Variants in ITGA6 observed in about 807,000 individuals in gnomAD.
The protein encoded by ITGA6 is integrin subunit alpha 6, also known as integrin alpha-6.
ITGA6 carries 63 observed loss-of-function variants against 133.6 expected under a neutral mutation model. That is an observed-to-expected ratio of 0.47 (90% CI 0.38 to 0.58). The LOEUF is 0.58. Ranked by LOEUF, ITGA6 falls within the 20% of genes least tolerant of loss-of-function variation. ITGA6 has a pLI of 0.00. For missense variants in ITGA6, 1,068 were observed against 1,309.4 expected (o/e 0.82, Z 2.85); for synonymous variants, 434 against 482.0 (o/e 0.90, Z 1.30).
intron 1 of ITGA6, among the ~76,000 whole-genome samples, chr2:172,442,008 CTCA>C (rs1684564101): frequency 6.6e-6 from 1 of 152,198 alleles, no homozygotes. Flanking sequence ...AGATCTCTTT[CTCA>C]TCATAGAGAG....
At chr2:172,465,947 G>A (rs1685652238) in intron 2 of ITGA6, 2 of 511,952 alleles carry the variant, frequency 3.9e-6, no homozygotes, top group South Asian at 2.1e-5. Flanking sequence ...AGGAGGTTGT[G>A]GAAAAACTCA....
chr2:172,450,961 T>C (rs887305388), intron 1 of ITGA6, among the ~76,000 whole-genome samples: 32 of 147,260 alleles, frequency 2.2e-4, no homozygotes, highest in Admixed American at 2.1e-3. Context: ...ATCTTGTATA[T>C]ATAAATATAT....
Position 172,467,557 on chromosome 2 carries a change from C to T in ITGA6, c.384C>T (p.Val128=), listed in dbSNP as rs757719097. ...TVQSQGPGGK[V]VTCAHRYEKR... ...AGAGCCAAGGTCCAGGGGGCAAGGT[C>T]GTGGTAAGTGTAGAGACACATGTTC... Residue 128 remains valine (V), a synonymous_variant, in exon 3 of 26, where the codon GTC becomes GTT. Transcript: ENST00000684293. 27 of 1,611,994 alleles carry T rather than the reference C, an allele frequency of 1.7e-5. No homozygotes were observed. The African/African-American group carries it at 1.9e-4, about 11-fold the overall frequency.
chr2:172,479,750 C>G lies in ITGA6; in HGVS notation c.1487+11C>G, dbSNP rs762895767. On this transcript the variant is annotated intron_variant, in intron 10 of 25. Coordinates refer to ENST00000684293, the MANE Select transcript of ITGA6 (RefSeq NM_000210.4). ...GCCTAGTGGGATATGGTGAGCATCC[C>G]TCTGTCTTGGTGGGATCCCCCTCAG... 3.1e-6 allele frequency: 5 copies of G among 1,609,914 alleles called. No homozygotes were observed. In the East Asian group the frequency reaches 8.9e-5, roughly 29 times the overall value.
rs1687369660 is a variant in ITGA6, at chr2:172,502,014, G to A, written c.*22+113G>A. 5.4e-6 allele frequency: 5 copies of A among 924,746 alleles called. No homozygotes were observed. In the East Asian group the frequency reaches 1.4e-4, roughly 25 times the overall value. The allele number at this position is 924,746 out of a possible 1,614,324, so 57.3% of individuals were successfully genotyped here. ...GTCCCATTAACAGATGTTTCCAAAT[G>A]TCCACACTGGCTTGCCTTGCTTGGA... On this transcript the variant is annotated intron_variant, in intron 25 of 25. Coordinates refer to ENST00000684293, the MANE Select transcript of ITGA6 (RefSeq NM_000210.4).
chr2:172,466,198 T>G (rs1685665539), intron 2 of ITGA6, among the ~76,000 whole-genome samples: 1 of 152,206 alleles, frequency 6.6e-6, no homozygotes, highest in Non-Finnish European at 1.5e-5. Context: ...GTACCTGGCT[T>G]CTTGTAGGTT....
intron 9 of ITGA6, among the ~76,000 whole-genome samples, chr2:172,479,179 A>C (rs1157225649): frequency 6.6e-6 from 1 of 152,220 alleles, no homozygotes; most frequent in Non-Finnish European, 1.5e-5. Flanking sequence ...AAAACAGTGA[A>C]CTAGATCTAT....
chr2:172,435,388 G>A (rs191404794), intron 1 of ITGA6, among the ~76,000 whole-genome samples: 139 of 152,136 alleles, frequency 9.1e-4, no homozygotes, highest in African/African-American at 3.1e-3. Flanking sequence ...TATATCTTGC[G>A]GGTGATGGCC....
At chr2:172,490,792 A>C (rs1255697955) in intron 20 of ITGA6, 1 of 459,466 alleles carries the variant, frequency 2.2e-6, no homozygotes, top group Non-Finnish European at 4.0e-6. Flanking sequence ...TCTGAGTTTT[A>C]AGGTCAGAGT....
At chr2:172,431,735 G>A (rs911920616) in intron 1 of ITGA6, among the ~76,000 whole-genome samples, 21 of 152,180 alleles carry the variant, frequency 1.4e-4, no homozygotes, top group African/African-American at 1.2e-4. Flanking sequence ...AAGCCAAAAC[G>A]GGCAGCGAGA....
intron 11 of ITGA6, among the ~76,000 whole-genome samples, chr2:172,480,421 G>A (rs1167941337): frequency 1.3e-5 from 2 of 152,316 alleles, no homozygotes; most frequent in African/African-American, 4.8e-5. Flanking sequence ...GGTGGGTGGT[G>A]GCTGGTGGTT....
intron 1 of ITGA6, among the ~76,000 whole-genome samples, chr2:172,435,695 C>T (rs1684292904): frequency 7.8e-6 from 1 of 128,668 alleles, no homozygotes; most frequent in Non-Finnish European, 1.5e-5. Context: ...GATGCGATTT[C>T]AGCTCACTGC....
chr2:172,467,410 T>G, intron 2 of ITGA6, 71 bp from the exon 3 acceptor site: 1 of 1,167,126 alleles, frequency 8.6e-7, no homozygotes, highest in Non-Finnish European at 1.3e-6. Context: ...AACAGTTGCT[T>G]GTATTTTTGT....
At chr2:172,493,647 G>A (rs2149086648) in intron 23 of ITGA6, among the ~76,000 whole-genome samples, 1 of 152,292 alleles carries the variant, frequency 6.6e-6, no homozygotes, top group African/African-American at 2.4e-5. Flanking sequence ...TCTGACTTCA[G>A]GGCTTCTGTT....
rs1687564650 is a variant in ITGA6 at position 172,506,384 on chromosome 2, T to C, written c.*2316T>C. 1 of 152,286 alleles carries C rather than the reference T, an allele frequency of 6.6e-6. No homozygotes were observed. The highest frequency in any genetic ancestry group is 1.5e-5 in the Non-Finnish European group (1 of 68,038). 9.4% of individuals were successfully genotyped at this position (152,286 alleles called of 1,614,324 possible). ...GGGGTTTTTTTCTGTTTTCGCTCTATGTAGGTGATCCTCAAGTCTTTCATT... is the reference window on the plus strand; with the variant it reads ...GGGGTTTTTTTCTGTTTTCGCTCTACGTAGGTGATCCTCAAGTCTTTCATT... On this transcript the variant is annotated 3_prime_UTR_variant, in exon 26 of 26. Transcript: ENST00000684293.
chr2:172,468,870 T>G, intron 3 of ITGA6: 1 of 445,494 alleles, frequency 2.2e-6, no homozygotes, highest in South Asian at 2.8e-5. Context: ...GGATACAGAT[T>G]GTCATTCAAT....
chr2:172,428,367 G>A (rs1433591772), intron 1 of ITGA6: 1 of 152,788 alleles, frequency 6.5e-6, no homozygotes, highest in Non-Finnish European at 1.5e-5. Context: ...GCGCTGCTGT[G>A]GGTTTGCAGG....
chr2:172,430,541 G>C (rs1684063486), intron 1 of ITGA6, among the ~76,000 whole-genome samples: 1 of 152,182 alleles, frequency 6.6e-6, no homozygotes, highest in African/African-American at 2.4e-5. Context: ...TCAGATAAAA[G>C]CACGATCATA....
rs149346884 is a variant in ITGA6, at chr2:172,470,121, A to G, written c.643+741A>G. ...ATGTATTAATAATAAGTCACATAAC[A>G]CTTTCACTCATCAGGGAAAACTTAG... On this transcript the variant is annotated intron_variant, in intron 4 of 25. Coordinates refer to ENST00000684293, the MANE Select transcript of ITGA6 (RefSeq NM_000210.4). 2.2e-3 allele frequency among the ~76,000 whole-genome samples: 336 copies of G among 152,316 alleles called. 5 individuals are homozygous for G. Among genetic ancestry groups the G allele is most frequent in the African/African-American group, 7.8e-3 (323 of 41,568 alleles).
Sources: allele counts gnomAD v4.1 joint callset (sites outside exome capture counted in the v4.1 genomes callset), GRCh38; gene constraint gnomAD v4.1.1; transcripts MANE v1.5; gene names NCBI Gene and HGNC (gene_info 2026-07-23, HGNC 2026-07-21).